Variants in NPTN observed in about 807,000 individuals in gnomAD.
NPTN encodes the protein neuroplastin.
NPTN carries 5 observed loss-of-function variants against 42.7 expected under a neutral mutation model. The ratio of observed to expected loss-of-function variants is 0.12; its 90% confidence interval spans 0.06 to 0.25. The LOEUF (loss-of-function observed/expected upper bound fraction) is 0.25. Ranked by LOEUF, NPTN falls within the 10% of genes least tolerant of loss-of-function variation. The pLI is 1.00. For missense variants in NPTN, 307 were observed against 525.4 expected (o/e 0.58, Z 4.06); for synonymous variants, 180 against 201.9 (o/e 0.89, Z 0.92).
intron 1 of NPTN, among the ~76,000 whole-genome samples, chr15:73,628,438 TTCATAAAA>T (rs1163820978): frequency 2.0e-5 from 3 of 152,260 alleles, no homozygotes; most frequent in Non-Finnish European, 1.5e-5. Flanking sequence ...CAGAACGATT[TTCATAAAA>T]TTCACTTTTC....
In NPTN at chr15:73,616,822, G is replaced by A. The variant is rs188762836; in HGVS notation, c.91+16303C>T. ...GCAAAATTGTTTCCAGAATGCTTTC[G>A]CTAAAAATTAGCAGAGCTGTCCCAG... On this transcript the variant is annotated intron_variant, in intron 1 of 8. Coordinates refer to ENST00000345330, the MANE Select transcript of NPTN (RefSeq NM_012428.4). Among the ~76,000 whole-genome samples, 4 of 152,236 alleles carry A rather than the reference G, an allele frequency of 2.6e-5. No individual in the cohort carries two copies. In the East Asian group the frequency reaches 5.8e-4, roughly 22 times the overall value.
At chr15:73,620,646 A>G (rs554954033) in intron 1 of NPTN, among the ~76,000 whole-genome samples, 4 of 152,358 alleles carry the variant, frequency 2.6e-5, no homozygotes, top group African/African-American at 7.2e-5. Context: ...AATATAACAC[A>G]AAGTATTCTT....
intron 7 of NPTN, among the ~76,000 whole-genome samples, chr15:73,562,583 C>T (rs1325414550): frequency 6.6e-6 from 1 of 152,176 alleles, no homozygotes; most frequent in Non-Finnish European, 1.5e-5. Context: ...TTGTCTGCTT[C>T]TCACTCTTTA....
In NPTN at chr15:73,633,255, C is replaced by T. The variant is rs745345153; in HGVS notation, c.-40G>A. The T allele has an allele frequency of 1.5e-6, 2 of 1,345,594 alleles. No homozygotes were observed. The highest frequency in any genetic ancestry group is 2.8e-5 in the East Asian group (1 of 35,960). The allele number at this position is 1,345,594 out of a possible 1,614,324, so 83.4% of individuals were successfully genotyped here. A position where few individuals can be genotyped will look rare whatever the true frequency, so the allele number is the denominator to read the frequency against. ...GACCCAACAGCGAATGGGCCGGGGC[C>T]AGAGCCGGGGCCGGGGAAGGGAGGG... On this transcript the variant is annotated 5_prime_UTR_variant, in exon 1 of 9. Transcript: ENST00000345330.
chr15:73,620,997 T>A (rs948516671), intron 1 of NPTN, among the ~76,000 whole-genome samples: 1 of 152,214 alleles, frequency 6.6e-6, no homozygotes, highest in Non-Finnish European at 1.5e-5. Flanking sequence ...CATCAGATTG[T>A]TTTTTCTTCA....
chr15:73,576,667 A>T (rs928542331), intron 4 of NPTN, among the ~76,000 whole-genome samples: 6 of 152,144 alleles, frequency 3.9e-5, no homozygotes, highest in Non-Finnish European at 8.8e-5. Flanking sequence ...ACCCCAAGTT[A>T]TCTTGGGACC....
chr15:73,591,024 C>G (rs550770769), intron 3 of NPTN, among the ~76,000 whole-genome samples: 45 of 152,206 alleles, frequency 3.0e-4, no homozygotes, highest in African/African-American at 9.6e-4. Flanking sequence ...ATCAGAAGAC[C>G]TGGAACCTAG....
chr15:73,562,590 T>G (rs1410819480), intron 7 of NPTN, among the ~76,000 whole-genome samples: 1 of 152,206 alleles, frequency 6.6e-6, no homozygotes, highest in Non-Finnish European at 1.5e-5. Flanking sequence ...CTTCTCACTC[T>G]TTAGTCCAAC....
At chr15:73,580,954 C>CA (rs1896014957) in intron 4 of NPTN, among the ~76,000 whole-genome samples, 1 of 152,026 alleles carries the variant, frequency 6.6e-6, no homozygotes, top group Non-Finnish European at 1.5e-5. Context: ...GAGTAATACT[C>CA]ACATGTTTCA....
chr15:73,587,664 C>T (rs1896382886), intron 3 of NPTN, 46 bp from the exon 4 acceptor site: 1 of 1,361,722 alleles, frequency 7.3e-7, no homozygotes, highest in African/African-American at 1.4e-5. Flanking sequence ...TGGGAACGGT[C>T]AAAATATAAA....
At chr15:73,616,134 A>G (rs1288301792) in intron 1 of NPTN, among the ~76,000 whole-genome samples, 4 of 152,218 alleles carry the variant, frequency 2.6e-5, no homozygotes, top group Non-Finnish European at 4.4e-5. Flanking sequence ...GGACATATAT[A>G]TAAGTATCTT....
chr15:73,608,239 A>C (rs1897381402), intron 1 of NPTN, among the ~76,000 whole-genome samples: 1 of 152,254 alleles, frequency 6.6e-6, no homozygotes, highest in East Asian at 1.9e-4. Context: ...GTTCCTAAAC[A>C]GATTTCAACC....
chr15:73,564,863 A>G (rs530939482), intron 6 of NPTN, among the ~76,000 whole-genome samples: 1 of 152,346 alleles, frequency 6.6e-6, no homozygotes, highest in South Asian at 2.1e-4. Context: ...CAAAATTCTA[A>G]TGCAAGAGAG....
At chr15:73,589,760 T>A (rs970299639) in intron 3 of NPTN, among the ~76,000 whole-genome samples, 7 of 151,810 alleles carry the variant, frequency 4.6e-5, no homozygotes, top group African/African-American at 4.8e-5. Context: ...ACATAGCCTA[T>A]CCCCAGAGCT....
chr15:73,620,750 G>C (rs1898092361), intron 1 of NPTN, among the ~76,000 whole-genome samples: 1 of 152,172 alleles, frequency 6.6e-6, no homozygotes, highest in Non-Finnish European at 1.5e-5. Flanking sequence ...ACTCTACCAA[G>C]AGCTGTTCAC....
intron 4 of NPTN, among the ~76,000 whole-genome samples, chr15:73,582,778 G>T (rs1165104566): frequency 6.6e-6 from 1 of 152,180 alleles, no homozygotes; most frequent in Non-Finnish European, 1.5e-5. Context: ...TCCAAGCTGA[G>T]AAACTGACAA....
At chr15:73,602,365 A>G (rs1897115847) in intron 1 of NPTN, among the ~76,000 whole-genome samples, 1 of 152,310 alleles carries the variant, frequency 6.6e-6, no homozygotes, top group South Asian at 2.1e-4. Flanking sequence ...CGCAATAAAG[A>G]GAAAATGACA....
At position 73,606,070 on chromosome 15, in the gene NPTN, A is replaced by T. The variant is rs890145191; in HGVS notation, c.92-8701T>A. Among the ~76,000 whole-genome samples, 7 of 152,216 alleles carry T rather than the reference A, an allele frequency of 4.6e-5. No homozygotes were observed. The East Asian group carries it at 1.2e-3, about 25-fold the overall frequency. ...AAGCAAACTACTTCTCAAAAAAAAT[A>T]AAAAGAAAATGCTAGCCACTTGCAG... On this transcript the variant is annotated intron_variant, in intron 1 of 8. Transcript: ENST00000345330.
In NPTN at chr15:73,569,563, C is replaced by A. The variant is rs1356357279; in HGVS notation, c.1114+587G>T. ...TGTGAGACACAGATGGAAAGCCACC[C>A]AGCAGAGAGCGCTGGAAACCTATCA... On this transcript the variant is annotated intron_variant, in intron 6 of 8. Coordinates refer to ENST00000345330, the MANE Select transcript of NPTN (RefSeq NM_012428.4). The surrounding 1 kb of genome is among the most constrained non-coding windows in gnomAD (Gnocchi z 4.1). The A allele has an allele frequency of 1.1e-5, 11 of 985,318 alleles. No individual in the cohort carries two copies. Among genetic ancestry groups the A allele is most frequent in the Non-Finnish European group, 1.2e-6 (1 of 829,944 alleles). The allele number at this position is 985,318 out of a possible 1,614,324, so 61.0% of individuals were successfully genotyped here.
Sources: gnomAD v4.1 joint callset for allele counts (sites outside exome capture counted in the v4.1 genomes callset) on GRCh38, gnomAD v4.1.1 for gene constraint, Gnocchi (gnomAD v3.1) non-coding constraint, MANE v1.5 for transcripts, NCBI Gene and HGNC (gene_info 2026-07-23, HGNC 2026-07-21) for gene names.